The following EPB41L5 variants were observed in gnomAD, a reference collection of about 807,000 sequenced individuals.
EPB41L5 encodes erythrocyte membrane protein band 4.1 like 5.
A neutral mutation model predicts 106.6 loss-of-function variants in EPB41L5; 55 were observed. The observed-to-expected ratio is 0.52, with a 90% CI of 0.42 to 0.65. EPB41L5 has a LOEUF of 0.65. EPB41L5 is among the 30% of genes least tolerant of loss of function. EPB41L5 has a pLI of 0.00. For synonymous variants in EPB41L5, 297 were observed against 306.7 expected (o/e 0.97, Z 0.33); for missense variants, 871 against 882.1 (o/e 0.99, Z 0.16).
At chr2:120,150,117 G>A (rs1160602551) in intron 20 of EPB41L5, among the ~76,000 whole-genome samples, 1 of 151,618 alleles carries the variant, frequency 6.6e-6, no homozygotes, top group African/African-American at 2.4e-5. Flanking sequence ...GCTGGTCTTC[G>A]AACTCCTGAG....
Position 120,049,316 on chromosome 2 carries a change from TA to T in EPB41L5, c.285+7208del, listed in dbSNP as rs1680052429. 3.3e-5 allele frequency among the ~76,000 whole-genome samples: 5 copies of T among 152,218 alleles called. No homozygotes were observed. In the South Asian group the frequency reaches 1.0e-3, roughly 32 times the overall value. On this transcript the variant is annotated intron_variant, in intron 3 of 24. Transcript: ENST00000263713. ...GAGTCTAAGTCTCTTTGTAGGTCTC[TA>T]AGGACTTGCTTTATGTATCTGTGTT...
chr2:120,131,953 A>G (rs1685713706), intron 18 of EPB41L5, among the ~76,000 whole-genome samples: 1 of 152,114 alleles, frequency 6.6e-6, no homozygotes, highest in Non-Finnish European at 1.5e-5. Flanking sequence ...AAAAAAACAC[A>G]GTCAAGATGA....
chr2:120,127,492 C>T (rs771902044), intron 16 of EPB41L5, among the ~76,000 whole-genome samples, 196 bp from the exon 17 acceptor site: 1 of 152,106 alleles, frequency 6.6e-6, no homozygotes, highest in Non-Finnish European at 1.5e-5. Context: ...AAACCTAATA[C>T]AATATAAATG....
chr2:120,047,260 T>C (rs368018964), intron 3 of EPB41L5, among the ~76,000 whole-genome samples: 3 of 152,182 alleles, frequency 2.0e-5, no homozygotes, highest in African/African-American at 7.2e-5. Flanking sequence ...GCAGTATGGC[T>C]ATTTTCACGA....
chr2:120,057,190 G>A (rs1680715364), intron 3 of EPB41L5, among the ~76,000 whole-genome samples: 1 of 152,132 alleles, frequency 6.6e-6, no homozygotes. Flanking sequence ...ACGTCTGGCT[G>A]TGTTTTCTCT....
chr2:120,112,752 T>C (rs1377209527), intron 16 of EPB41L5, among the ~76,000 whole-genome samples: 1 of 152,220 alleles, frequency 6.6e-6, no homozygotes, highest in African/African-American at 2.4e-5. Context: ...ATCGTGATAA[T>C]AATAGCTAAT....
chr2:120,111,449 G>A (rs772808925), intron 16 of EPB41L5, among the ~76,000 whole-genome samples: 1 of 152,188 alleles, frequency 6.6e-6, no homozygotes, highest in Non-Finnish European at 1.5e-5. Context: ...AACACTGGAA[G>A]TGAGGTCCAG....
chr2:120,163,937 A>C (rs1385170986), intron 21 of EPB41L5, among the ~76,000 whole-genome samples: 2 of 148,938 alleles, frequency 1.3e-5, no homozygotes, highest in African/African-American at 4.9e-5. Flanking sequence ...GGACAGGGCA[A>C]GATCTTGTCT....
intron 3 of EPB41L5, among the ~76,000 whole-genome samples, chr2:120,053,652 T>A (rs545264711): frequency 6.6e-6 from 1 of 152,342 alleles, no homozygotes; most frequent in South Asian, 2.1e-4. Context: ...TTGTAGCATA[T>A]CTTAGTGGTT....
chr2:120,174,629 T>C (rs1330081331), intron 24 of EPB41L5, among the ~76,000 whole-genome samples: 2 of 152,192 alleles, frequency 1.3e-5, no homozygotes, highest in Admixed American at 6.5e-5. Context: ...GTGCTGTCTT[T>C]ATATTTTATT....
intron 16 of EPB41L5, chr2:120,104,333 A>G: frequency 7.0e-7 from 1 of 1,425,222 alleles, no homozygotes; most frequent in African/African-American, 1.4e-5. Flanking sequence ...CATTAGGAGT[A>G]TTTGGGAGAA....
At chr2:120,165,965 C>G (rs1687382007) in intron 22 of EPB41L5, among the ~76,000 whole-genome samples, 1 of 70,622 alleles carries the variant, frequency 1.4e-5, no homozygotes, top group Admixed American at 2.2e-4. Context: ...GAGACTCCGT[C>G]TCAAAAAAAA....
intron 16 of EPB41L5, chr2:120,108,042 T>C (rs1246530766): frequency 6.6e-6 from 1 of 152,174 alleles, no homozygotes; most frequent in South Asian, 2.1e-4. Context: ...TTTATTGTTA[T>C]TTTTATACTG....
chr2:120,153,139 C>G (rs1686750163), intron 20 of EPB41L5, among the ~76,000 whole-genome samples: 1 of 152,072 alleles, frequency 6.6e-6, no homozygotes, highest in African/African-American at 2.4e-5. Flanking sequence ...GGATTTACAG[C>G]TATAAATTTT....
chr2:120,123,601 A>T (rs1280108795), intron 16 of EPB41L5, among the ~76,000 whole-genome samples: 1 of 148,986 alleles, frequency 6.7e-6, no homozygotes, highest in Non-Finnish European at 1.5e-5. Context: ...CATTCTCAAA[A>T]TGTACAGTGG....
chr2:120,142,816 C>G (rs923701677), intron 18 of EPB41L5, among the ~76,000 whole-genome samples, 187 bp from the exon 19 acceptor site: 23 of 152,056 alleles, frequency 1.5e-4, no homozygotes, highest in African/African-American at 5.3e-4. Context: ...AGAGGCTGTT[C>G]CTTTTAAATC....
In EPB41L5 at chr2:120,163,694, C is replaced by T. The variant is rs191403361; in HGVS notation, c.1888-1142C>T. Among the ~76,000 whole-genome samples, 5 of 151,568 alleles carry T rather than the reference C, an allele frequency of 3.3e-5. No homozygotes were observed. In the East Asian group the frequency reaches 9.7e-4, roughly 29 times the overall value. ...AAAAGGCTGGGCACAGTGGCTCACA[C>T]CTGTAATCCCGGTGCTTTGGGAGGC... On this transcript the variant is annotated intron_variant, in intron 21 of 24. Coordinates refer to ENST00000263713, the MANE Select transcript of EPB41L5 (RefSeq NM_020909.4).
intron 10 of EPB41L5, among the ~76,000 whole-genome samples, chr2:120,086,439 A>C (rs1301232947): frequency 3.9e-5 from 6 of 152,172 alleles, no homozygotes; most frequent in Non-Finnish European, 8.8e-5. Context: ...AAAATTAAGA[A>C]GTATTTCCTC....
At chr2:120,069,611 A>G (rs1487812210) in intron 3 of EPB41L5, among the ~76,000 whole-genome samples, 2 of 152,232 alleles carry the variant, frequency 1.3e-5, no homozygotes, top group Non-Finnish European at 2.9e-5. Flanking sequence ...AGTCATAACA[A>G]ACAGTCTCTC....
Sources: gnomAD v4.1 joint callset for allele counts (sites outside exome capture counted in the v4.1 genomes callset) on GRCh38, gnomAD v4.1.1 for gene constraint, MANE v1.5 for transcripts, NCBI Gene and HGNC (gene_info 2026-07-23, HGNC 2026-07-21) for gene names.